The following IGFBP1 variants were observed in gnomAD, a reference collection of about 807,000 sequenced individuals.
IGFBP1 encodes the protein insulin like growth factor binding protein 1.
A neutral mutation model predicts 23.1 loss-of-function variants in IGFBP1; 31 were observed. The ratio of observed to expected loss-of-function variants is 1.34; its 90% CI spans 1.01 to 1.81. IGFBP1 has a LOEUF of 1.81. Ranked by LOEUF, IGFBP1 falls within the 40% of genes most tolerant of loss-of-function variation. IGFBP1 has a pLI of 0.00. For synonymous variants in IGFBP1, 148 were observed against 145.5 expected (o/e 1.02, Z -0.13); for missense variants, 333 against 342.2 (o/e 0.97, Z 0.21).
Position 45,893,536 on chromosome 7 carries a change from A to C in IGFBP1, c.*445A>C, listed in dbSNP as rs1190551684. ...TGATGTACATGTGTAGGGAAAGTTA[A>C]AAGTGTTGATTACATAATCAAAGCT... On this transcript the variant is annotated 3_prime_UTR_variant, in exon 4 of 4. Coordinates refer to ENST00000275525, the MANE Select transcript of IGFBP1 (RefSeq NM_000596.4). The C allele has an allele frequency of 2.0e-5, 3 of 151,328 alleles. No homozygotes were observed. Among genetic ancestry groups the C allele is most frequent in the Non-Finnish European group, 4.4e-5 (3 of 67,780 alleles). The allele number at this position is 151,328 out of a possible 1,614,324, so 9.4% of individuals were successfully genotyped here.
Position 45,893,106 on chromosome 7 carries a change from A to G in IGFBP1, c.*15A>G, listed in dbSNP as rs775582580. The G allele has an allele frequency of 1.3e-6, 2 of 1,591,354 alleles. No homozygotes were observed. The highest frequency in any genetic ancestry group is 2.2e-5 in the South Asian group (2 of 90,422). ...TACAAAACTGAAACCAGATGAAATA[A>G]TGTTCTGTCACGTGAAATATTTAAG... On this transcript the variant is annotated 3_prime_UTR_variant, in exon 4 of 4. Coordinates refer to ENST00000275525, the MANE Select transcript of IGFBP1 (RefSeq NM_000596.4).
chr7:45,890,622 G>A lies in IGFBP1; in HGVS notation c.424G>A (p.Ala142Thr). The A allele has an allele frequency of 6.2e-7, 1 of 1,613,810 alleles. No individual in the cohort carries two copies. Among genetic ancestry groups the A allele is most frequent in the Non-Finnish European group, 8.5e-7 (1 of 1,179,884 alleles). Residue 142 changes from alanine (A) to threonine (T), a missense_variant, in exon 2 of 4, where the codon GCC becomes ACC. By Grantham distance (58) the Ala-to-Thr change is moderately conservative. Transcript: ENST00000275525. Reference protein sequence around the residue: ...EELLDNFHLMAPSEEDHSILW... With the variant: ...EELLDNFHLMTPSEEDHSILW... ...GCTCCTGGATAATTTCCATCTGATGGCCCCTTCTGAAGAGGATCATTCCAT... is the reference window on the plus strand; with the variant it reads ...GCTCCTGGATAATTTCCATCTGATGACCCCTTCTGAAGAGGATCATTCCAT...
chr7:45,893,307 T>C lies in IGFBP1; in HGVS notation c.*216T>C, dbSNP rs1480760111. ...AAACTTGTACTATGTTAATAACTTG[T>C]CCTATGTCAATTTGTATATCATGAA... On this transcript the variant is annotated 3_prime_UTR_variant, in exon 4 of 4. Transcript: ENST00000275525. 2.6e-5 allele frequency: 5 copies of C among 190,514 alleles called. No individual in the cohort carries two copies. Among genetic ancestry groups the C allele is most frequent in the Non-Finnish European group, 5.3e-5 (5 of 94,322 alleles). 11.8% of individuals were successfully genotyped at this position (190,514 alleles called of 1,614,324 possible).
At chr7:45,889,339 G>T (rs1025376943) in intron 1 of IGFBP1, among the ~76,000 whole-genome samples, 6 of 152,206 alleles carry the variant, frequency 3.9e-5, no homozygotes, top group Admixed American at 3.9e-4. Context: ...GGAGGCGGTG[G>T]GGCTGCCTCC....
intron 2 of IGFBP1, among the ~76,000 whole-genome samples, chr7:45,891,341 C>G (rs1453866995): frequency 6.6e-6 from 1 of 152,144 alleles, no homozygotes; most frequent in Non-Finnish European, 1.5e-5. Flanking sequence ...TAAATTACTT[C>G]CACAAACATG....
Position 45,893,117 on chromosome 7 carries a change from C to A in IGFBP1, c.*26C>A. The stretch of plus-strand genomic sequence containing the variant: ...AACCAGATGAAATAATGTTCTGTCA[C>A]GTGAAATATTTAAGTATATAGTATA... On this transcript the variant is annotated 3_prime_UTR_variant, in exon 4 of 4. Transcript: ENST00000275525. The A allele has an allele frequency of 2.6e-6, 4 of 1,556,750 alleles. No individual in the cohort carries two copies. The highest frequency in any genetic ancestry group is 2.7e-6 in the Non-Finnish European group (3 of 1,131,494).
rs765553299 is a variant in IGFBP1, at chr7:45,893,122, A to G, written c.*31A>G. 1 of 1,509,008 alleles carries G rather than the reference A, an allele frequency of 6.6e-7. No individual in the cohort carries two copies. The highest frequency in any genetic ancestry group is 9.2e-7 in the Non-Finnish European group (1 of 1,088,938). 93.5% of individuals were successfully genotyped at this position (1,509,008 alleles called of 1,614,324 possible). On this transcript the variant is annotated 3_prime_UTR_variant, in exon 4 of 4. Coordinates refer to ENST00000275525, the MANE Select transcript of IGFBP1 (RefSeq NM_000596.4). ...GATGAAATAATGTTCTGTCACGTGA[A>G]ATATTTAAGTATATAGTATATTTAT... is the stretch of plus-strand genomic sequence containing the variant.
chr7:45,888,607 A>G lies in IGFBP1; in HGVS notation c.-46A>G, dbSNP rs1787016085. 6.6e-7 allele frequency: 1 copy of G among 1,520,382 alleles called. No individual in the cohort carries two copies. Among genetic ancestry groups the G allele is most frequent in the Admixed American group, 1.9e-5 (1 of 52,834 alleles). 94.2% of individuals were successfully genotyped at this position (1,520,382 alleles called of 1,614,324 possible). ...AGAGTTTGGGCCACCGCCCGCCGCC[A>G]CCAGCCCAGAGAGCATCGGCCCCTG... On this transcript the variant is annotated 5_prime_UTR_variant, in exon 1 of 4. Transcript: ENST00000275525.
intron 2 of IGFBP1, among the ~76,000 whole-genome samples, chr7:45,890,941 G>A (rs934427557): frequency 2.0e-5 from 3 of 152,132 alleles, no homozygotes; most frequent in Non-Finnish European, 4.4e-5. Context: ...ATGTAGTTCC[G>A]GACGATAGGT....
Position 45,888,699 on chromosome 7 carries a change from T to A in IGFBP1, c.47T>A (p.Leu16Gln). The A allele has an allele frequency of 6.3e-7, 1 of 1,597,938 alleles. No individual in the cohort carries two copies. The highest frequency in any genetic ancestry group is 1.1e-5 in the South Asian group (1 of 90,860). ...VARVWLVLLL[L>Q]TVQVGVTAGA... The stretch of plus-strand genomic sequence containing the variant: ...CGCGTCTGGCTGGTACTGCTCCTGC[T>A]GACTGTCCAGGTCGGCGTGACAGCC... Residue 16 changes from leucine (L) to glutamine (Q), a missense_variant, in exon 1 of 4, where the codon CTG becomes CAG. Coordinates refer to ENST00000275525, the MANE Select transcript of IGFBP1 (RefSeq NM_000596.4).
chr7:45,889,363 C>T (rs1437144140), intron 1 of IGFBP1, among the ~76,000 whole-genome samples: 3 of 152,184 alleles, frequency 2.0e-5, no homozygotes, highest in Non-Finnish European at 2.9e-5. Flanking sequence ...GTTGGGATGC[C>T]ACCCTGGGTC....
chr7:45,889,858 C>T (rs1217024333), intron 1 of IGFBP1, among the ~76,000 whole-genome samples: 2 of 152,160 alleles, frequency 1.3e-5, no homozygotes, highest in African/African-American at 4.8e-5. Context: ...TGCGGATTCT[C>T]TGCCCTTCAG....
At chr7:45,889,188 C>A (rs9658194) in intron 1 of IGFBP1, among the ~76,000 whole-genome samples, 187 bp downstream of exon 1, 23,808 of 152,236 alleles carry the variant, frequency 0.16, 2,260 homozygotes, top group East Asian at 0.32. Context: ...CCGCTCATTG[C>A]ACGGTCTTGG....
chr7:45,892,533 C>G (rs915176459), intron 3 of IGFBP1, among the ~76,000 whole-genome samples: 1 of 152,090 alleles, frequency 6.6e-6, no homozygotes, highest in Non-Finnish European at 1.5e-5. Context: ...ATCAAACAGA[C>G]CAAGATTTCA....
At chr7:45,889,347 T>C (rs2116546432) in intron 1 of IGFBP1, among the ~76,000 whole-genome samples, 1 of 152,248 alleles carries the variant, frequency 6.6e-6, no homozygotes, top group Non-Finnish European at 1.5e-5. Flanking sequence ...TGGGGCTGCC[T>C]CCGCAGTTGG....
Position 45,888,648 on chromosome 7 carries a change from T to A in IGFBP1, c.-5T>A, listed in dbSNP as rs1246568324. 2 of 1,595,474 alleles carry A rather than the reference T, an allele frequency of 1.3e-6. No homozygotes were observed. Among genetic ancestry groups the A allele is most frequent in the African/African-American group, 2.7e-5 (2 of 74,758 alleles). On this transcript the variant is annotated 5_prime_UTR_variant, in exon 1 of 4. Coordinates refer to ENST00000275525, the MANE Select transcript of IGFBP1 (RefSeq NM_000596.4). ...TCGGCCCCTGTCTGCTGCTCGCGCC[T>A]GGAGATGTCAGAGGTCCCCGTTGCT... is the stretch of plus-strand genomic sequence containing the variant.
Position 45,892,074 on chromosome 7 carries a change from C to T in IGFBP1, c.648+14C>T. ...CACAGCAGACAGGTAGGTGGCCTTG[C>T]CAGTGTGCGTCGTCAGGGTGAAAGG... On this transcript the variant is annotated intron_variant, in intron 3 of 3. Transcript: ENST00000275525. 6.2e-7 allele frequency: 1 copy of T among 1,613,490 alleles called. No individual in the cohort carries two copies. The highest frequency in any genetic ancestry group is 8.5e-7 in the Non-Finnish European group (1 of 1,179,628).
chr7:45,891,907 T>A, intron 2 of IGFBP1, 25 bp from the exon 3 acceptor site: 2 of 1,600,780 alleles, frequency 1.2e-6, no homozygotes, highest in Non-Finnish European at 8.5e-7. Context: ...TTGTTAGATA[T>A]GCTAATGTCA....
In IGFBP1 at chr7:45,888,948, G is replaced by C; in HGVS notation, c.296G>C (p.Arg99Pro). 1 of 1,521,746 alleles carries C rather than the reference G, an allele frequency of 6.6e-7. No individual in the cohort carries two copies. Among genetic ancestry groups the C allele is most frequent in the Non-Finnish European group, 8.8e-7 (1 of 1,142,254 alleles). The allele number at this position is 1,521,746 out of a possible 1,614,324, so 94.3% of individuals were successfully genotyped here. A position where few individuals can be genotyped will look rare whatever the true frequency, so the allele number is the denominator to read the frequency against. Residue 99 changes from arginine (R) to proline (P), a missense_variant, in exon 1 of 4, where the codon CGC (arginine) becomes CCC (proline). Arg to Pro is a moderately radical substitution (Grantham distance 103, BLOSUM62 -2). Coordinates refer to ENST00000275525, the MANE Select transcript of IGFBP1 (RefSeq NM_000596.4). ...CAGCAACCTCTGCACGCCCTCACCC[G>C]CGGCCAAGGCGCCTGCGTGCAGGAG... ...GEQQPLHALTRGQGACVQESD... is the reference protein window; with the variant it reads ...GEQQPLHALTPGQGACVQESD...
Sources: gnomAD v4.1 joint callset for allele counts (sites outside exome capture counted in the v4.1 genomes callset) on GRCh38, gnomAD v4.1.1 for gene constraint, MANE v1.5 for transcripts, NCBI Gene and HGNC (gene_info 2026-07-23, HGNC 2026-07-21) for gene names.